Variants in RBX1 observed in about 807,000 individuals in gnomAD.
RBX1 encodes the protein ring-box 1, also known as E3 ubiquitin-protein ligase RBX1.
For missense variants in RBX1, 46 were observed against 141.4 expected, an observed-to-expected ratio of 0.33 and a Z score of 3.42; for synonymous variants, 48 against 47.9, an observed-to-expected ratio of 1.00 and a Z score of -0.01.
chr22:40,967,733 C>A, intron 3 of RBX1, 66 bp from the exon 4 acceptor site: 2 of 1,309,266 alleles, frequency 1.5e-6, no homozygotes, highest in Non-Finnish European at 2.2e-6. Context: ...CCCTGTGGGA[C>A]CTGTTGTCGC....
chr22:40,956,692 G>T (rs1426359883), intron 2 of RBX1, among the ~76,000 whole-genome samples: 2 of 151,314 alleles, frequency 1.3e-5, no homozygotes, highest in East Asian at 4.0e-4. Context: ...AAAGTGCCGG[G>T]ATTATAGGTG....
intron 2 of RBX1, among the ~76,000 whole-genome samples, chr22:40,961,939 C>T (rs1280926638): frequency 6.6e-6 from 1 of 152,086 alleles, no homozygotes; most frequent in Non-Finnish European, 1.5e-5. Flanking sequence ...TATCCACCAC[C>T]ATGCCTGGCT....
At chr22:40,955,711 A>G (rs1884734767) in intron 2 of RBX1, among the ~76,000 whole-genome samples, 1 of 152,232 alleles carries the variant, frequency 6.6e-6, no homozygotes, top group African/African-American at 2.4e-5. Context: ...AAACTTGCTC[A>G]GATGTTTTCA....
intron 2 of RBX1, among the ~76,000 whole-genome samples, chr22:40,956,274 A>G (rs1429581355): frequency 6.6e-6 from 1 of 152,198 alleles, no homozygotes; most frequent in Admixed American, 6.6e-5. Context: ...TTGAAATCCT[A>G]TAACAAAAAC....
chr22:40,964,126 G>T lies in RBX1; in HGVS notation c.228+9G>T. On this transcript the variant is annotated intron_variant, in intron 3 of 4. Coordinates refer to ENST00000216225, the MANE Select transcript of RBX1 (RefSeq NM_014248.4). ...CATGGGGAGTCTGTAACGTAAGGAA[G>T]CATCTTTACCTGTCAGCATGGCTTG... 1.2e-6 allele frequency: 2 copies of T among 1,604,254 alleles called. No homozygotes were observed. The highest frequency in any genetic ancestry group is 1.7e-6 in the Non-Finnish European group (2 of 1,171,102).
intron 1 of RBX1, 70 bp from the exon 2 acceptor site, chr22:40,953,485 C>A: frequency 2.0e-6 from 2 of 1,022,700 alleles, no homozygotes; most frequent in Non-Finnish European, 3.1e-6. Flanking sequence ...GCAGCTGCAG[C>A]CTGAGGTCCT....
At chr22:40,955,065 G>A (rs970817980) in intron 2 of RBX1, among the ~76,000 whole-genome samples, 4 of 152,036 alleles carry the variant, frequency 2.6e-5, no homozygotes, top group Non-Finnish European at 4.4e-5. Context: ...GGGATTACAA[G>A]CATAAGCCAC....
chr22:40,970,987 C>A (rs964712602), intron 4 of RBX1, among the ~76,000 whole-genome samples: 3 of 152,104 alleles, frequency 2.0e-5, no homozygotes, highest in African/African-American at 7.2e-5. Flanking sequence ...GTCCTTCCTG[C>A]CCTTGGAGCT....
chr22:40,971,134 C>G (rs1270657769), intron 4 of RBX1, among the ~76,000 whole-genome samples: 1 of 152,120 alleles, frequency 6.6e-6, no homozygotes, highest in Non-Finnish European at 1.5e-5. Flanking sequence ...TCTCGTTTTG[C>G]CAGTACATGT....
chr22:40,968,200 C>T (rs2058359380), intron 4 of RBX1, among the ~76,000 whole-genome samples: 1 of 151,166 alleles, frequency 6.6e-6, no homozygotes, highest in Non-Finnish European at 1.5e-5. Context: ...AAGCGATCCT[C>T]CCACCTCAGC....
At chr22:40,968,381 G>A (rs1043850455) in intron 4 of RBX1, among the ~76,000 whole-genome samples, 6 of 152,040 alleles carry the variant, frequency 3.9e-5, no homozygotes, top group African/African-American at 1.2e-4. Context: ...GTGAGCCACC[G>A]TGCCCGGCAG....
chr22:40,954,051 C>G (rs894406257), intron 2 of RBX1, among the ~76,000 whole-genome samples: 1 of 152,124 alleles, frequency 6.6e-6, no homozygotes, highest in East Asian at 1.9e-4. Context: ...GCGGGCAGAT[C>G]ATTTGAGGCC....
At chr22:40,953,295 A>C (rs564142161) in intron 1 of RBX1, among the ~76,000 whole-genome samples, 24 of 152,292 alleles carry the variant, frequency 1.6e-4, no homozygotes, top group African/African-American at 5.8e-4. Flanking sequence ...CGGCCAGACT[A>C]AATTATTTTA....
At chr22:40,958,199 A>G (rs905956779) in intron 2 of RBX1, among the ~76,000 whole-genome samples, 6 of 151,722 alleles carry the variant, frequency 4.0e-5, no homozygotes, top group African/African-American at 1.2e-4. Flanking sequence ...GACTCAAGCA[A>G]TCCTCCTGCC....
chr22:40,962,524 C>A (rs544928862), intron 2 of RBX1, among the ~76,000 whole-genome samples: 3 of 131,790 alleles, frequency 2.3e-5, no homozygotes, highest in Non-Finnish European at 3.1e-5. Context: ...GAGACAGAGT[C>A]TCACTGTGTC....
chr22:40,971,586 C>T (rs937883655), intron 4 of RBX1, among the ~76,000 whole-genome samples: 6 of 152,234 alleles, frequency 3.9e-5, no homozygotes, highest in Middle Eastern at 6.8e-3. Context: ...GACAGAGTCT[C>T]ACTGTGTCAC....
intron 4 of RBX1, 70 bp downstream of exon 4, chr22:40,967,954 G>A (rs987648400): frequency 4.7e-6 from 5 of 1,053,834 alleles, no homozygotes; most frequent in African/African-American, 1.6e-5. Context: ...TGGTCTTGGG[G>A]GATGGAGACA....
intron 4 of RBX1, among the ~76,000 whole-genome samples, chr22:40,971,381 C>T (rs937325379): frequency 1.3e-5 from 2 of 152,104 alleles, no homozygotes; most frequent in Non-Finnish European, 2.9e-5. Context: ...AAGTAGATTT[C>T]TTATGAGAAG....
rs556619908 is a variant in RBX1 at position 40,952,570 on chromosome 22, CGAA to C, written c.79-980_79-978del. Among the ~76,000 whole-genome samples, 256 of 152,140 alleles carry C rather than the reference CGAA, an allele frequency of 1.7e-3. 1 individual carries two copies. Among genetic ancestry groups the C allele is most frequent in the Non-Finnish European group, 2.9e-3 (198 of 68,016 alleles). ...AGGCACTGAGAATGGGGTTTGAAAG[CGAA>C]GAAGGTTTGGGAGTATTTGTAATTG... On this transcript the variant is annotated intron_variant, in intron 1 of 4. Transcript: ENST00000216225.
Sources: gnomAD v4.1 joint callset for allele counts (sites outside exome capture counted in the v4.1 genomes callset) on GRCh38, gnomAD v4.1.1 for gene constraint, MANE v1.5 for transcripts, NCBI Gene and HGNC (gene_info 2026-07-23, HGNC 2026-07-21) for gene names.